INTS7: variants seen among roughly 807,000 people sequenced by gnomAD.
The protein encoded by INTS7 is integrator complex subunit 7.
Under a neutral mutation model 109.2 loss-of-function variants are expected in INTS7, and 46 were observed. That is an observed-to-expected ratio of 0.42 (90% CI 0.33 to 0.54). The LOEUF (loss-of-function observed/expected upper bound fraction) is 0.54, where lower values mean the gene tolerates loss of function less well. Among genes scored for constraint, INTS7 ranks in the 20% least tolerant of loss-of-function variants. The pLI is 0.07. For synonymous variants in INTS7, 412 were observed against 402.9 expected (o/e 1.02, Z -0.27); for missense variants, 929 against 1,132.4 (o/e 0.82, Z 2.58).
At position 211,946,627 on chromosome 1, in the gene INTS7, GT is replaced by G. The variant is rs1558020024; in HGVS notation, c.2394del (p.Lys798AsnfsTer32). ...PLSFQRYFFQ[K>X]LQSTSIKLAL... ...ATTACCTTGATGCTGGTAGACTGTA[GT>G]TTCTGGAAAAAATATCTCTGGAAAG... On this transcript the variant is annotated frameshift_variant, in exon 18 of 20. Transcript: ENST00000366994. LOFTEE classifies it high-confidence loss of function. This position sits in a 1 kb window ranked among gnomAD's most constrained non-coding sequence, Gnocchi z 4.3. The G allele has an allele frequency of 6.2e-7, 1 of 1,609,606 alleles. No homozygotes were observed. Among genetic ancestry groups the G allele is most frequent in the East Asian group, 2.2e-5 (1 of 44,832 alleles).
intron 4 of INTS7, among the ~76,000 whole-genome samples, chr1:212,014,465 CAAAAAAAAAA>C (rs1165612101): frequency 1.8e-4 from 5 of 28,124 alleles, no homozygotes; most frequent in Admixed American, 5.1e-4. Flanking sequence ...AACTCCATCT[CAAAAAAAAAA>C]AAAAAAAAAA....
chr1:211,976,853 TTTAA>T (rs1571867810), intron 11 of INTS7, 134 bp from the exon 12 acceptor site: 1 of 743,588 alleles, frequency 1.3e-6, no homozygotes, highest in East Asian at 2.7e-5. Context: ...ATGACATTTA[TTTAA>T]TTTTTTATTT....
At chr1:212,023,024 T>C (rs546983631) in intron 1 of INTS7, among the ~76,000 whole-genome samples, 1 of 152,338 alleles carries the variant, frequency 6.6e-6, no homozygotes, top group African/African-American at 2.4e-5. Context: ...TGTTCCTACA[T>C]TAATCTGCTT....
intron 17 of INTS7, among the ~76,000 whole-genome samples, chr1:211,947,434 C>T (rs1470601047): frequency 6.6e-6 from 1 of 152,088 alleles, no homozygotes; most frequent in Non-Finnish European, 1.5e-5. Context: ...CTGAAAGTAT[C>T]ATAAGAACAC....
chr1:211,966,702 A>G (rs562971875), intron 15 of INTS7, among the ~76,000 whole-genome samples: 1 of 152,326 alleles, frequency 6.6e-6, no homozygotes, highest in East Asian at 1.9e-4. Flanking sequence ...CTCTGTTCCA[A>G]GAAGGGTACT....
At position 211,997,666 on chromosome 1, in the gene INTS7, A is replaced by G. The variant is rs182411663; in HGVS notation, c.879+8973T>C. On this transcript the variant is annotated intron_variant, in intron 7 of 19. Coordinates refer to ENST00000366994, the MANE Select transcript of INTS7 (RefSeq NM_015434.4). ...GGCTGAGACGGGCAGATCACTTGAG[A>G]TCAGGAGTCTGAGACCAGCGTGGCC... is the stretch of plus-strand genomic sequence containing the variant. Among the ~76,000 whole-genome samples, 10 of 151,906 alleles carry G rather than the reference A, an allele frequency of 6.6e-5. No homozygotes were observed. The East Asian group carries it at 1.7e-3, about 26-fold the overall frequency.
chr1:212,007,774 CATAT>C (rs1235094961), intron 5 of INTS7, among the ~76,000 whole-genome samples: 2 of 152,192 alleles, frequency 1.3e-5, no homozygotes, highest in Middle Eastern at 3.4e-3. Flanking sequence ...TACACATATA[CATAT>C]ATATACACAA....
chr1:212,019,269 T>C (rs1295909902), intron 3 of INTS7, among the ~76,000 whole-genome samples: 1 of 152,082 alleles, frequency 6.6e-6, no homozygotes, highest in Non-Finnish European at 1.5e-5. Flanking sequence ...AATTAATTAA[T>C]TAATTAATTC....
chr1:212,021,545 GA>G (rs991487250), intron 1 of INTS7, among the ~76,000 whole-genome samples: 6 of 146,764 alleles, frequency 4.1e-5, no homozygotes, highest in Admixed American at 6.8e-5. Context: ...TTAGAAATAA[GA>G]AAAAAAAAAG....
chr1:211,982,860 AG>A (rs1430709371), intron 8 of INTS7, 50 bp from the exon 9 acceptor site: 11 of 1,463,124 alleles, frequency 7.5e-6, no homozygotes, highest in Non-Finnish European at 1.0e-5. Flanking sequence ...ATAGTTCAAA[AG>A]CAGTTCAGCT....
intron 7 of INTS7, among the ~76,000 whole-genome samples, chr1:212,001,743 C>T (rs576690468): frequency 5.9e-5 from 9 of 152,152 alleles, no homozygotes; most frequent in Non-Finnish European, 8.8e-5. Flanking sequence ...CTTATCTTGG[C>T]GAATATGGCT....
intron 1 of INTS7, among the ~76,000 whole-genome samples, chr1:212,021,660 C>T (rs1206338868): frequency 1.4e-5 from 2 of 146,992 alleles, no homozygotes; most frequent in African/African-American, 5.1e-5. Context: ...GCCTGAACAA[C>T]ACAGTCAGAC....
At position 212,006,648 on chromosome 1, in the gene INTS7, C is replaced by T; in HGVS notation, c.870G>A (p.Glu290=). 1 of 1,534,126 alleles carries T rather than the reference C, an allele frequency of 6.5e-7. No homozygotes were observed. The highest frequency in any genetic ancestry group is 9.0e-7 in the Non-Finnish European group (1 of 1,114,912). ...ANKTPHTWSR[E]NIQALCECAL... ...TACAAGTTCTACATACCTGAATATT[C>T]TCCCTACTCCAAGTATGTGGTGTTT... The change falls in exon 7 of 20, where the codon GAG becomes GAA. Residue 290 remains glutamate, a synonymous_variant. Coordinates refer to ENST00000366994, the MANE Select transcript of INTS7 (RefSeq NM_015434.4).
At chr1:212,031,541 A>G (rs1325800130) in intron 1 of INTS7, among the ~76,000 whole-genome samples, 1 of 152,230 alleles carries the variant, frequency 6.6e-6, no homozygotes, top group African/African-American at 2.4e-5. Flanking sequence ...TGCACTCTGC[A>G]CAAAATCCAA....
intron 4 of INTS7, among the ~76,000 whole-genome samples, chr1:212,013,267 G>T (rs1476326769): frequency 6.6e-6 from 1 of 152,010 alleles, no homozygotes; most frequent in African/African-American, 2.4e-5. Flanking sequence ...GTGATACCCC[G>T]GCCTCAGCCT....
intron 7 of INTS7, among the ~76,000 whole-genome samples, chr1:211,996,585 A>G (rs1665401020): frequency 6.6e-6 from 1 of 152,204 alleles, no homozygotes; most frequent in African/African-American, 2.4e-5. Context: ...AAAAGCAGAA[A>G]ACATTAAACT....
intron 4 of INTS7, among the ~76,000 whole-genome samples, chr1:212,016,224 A>G (rs577268400): frequency 6.6e-6 from 1 of 152,298 alleles, no homozygotes; most frequent in South Asian, 2.1e-4. Flanking sequence ...TCTAGAAGTG[A>G]ATTTCCTGGG....
At position 212,035,369 on chromosome 1, in the gene INTS7, G is replaced by T. The variant is rs754145268; in HGVS notation, c.69C>A (p.Asn23Lys). The T allele has an allele frequency of 1.6e-5, 25 of 1,612,768 alleles. No homozygotes were observed. In the South Asian group the frequency reaches 2.6e-4, roughly 17 times the overall value. Reference sequence around the variant, plus strand: ...CTTTGTCCAATTCCATAAGGGCAGAGTTGGCATCCAGTTCCTGTTCGCCAT... The same window carrying T: ...CTTTGTCCAATTCCATAAGGGCAGATTTGGCATCCAGTTCCTGTTCGCCAT... ...AGYGEQELDANSALMELDKGL... is the reference protein window; with the variant it reads ...AGYGEQELDAKSALMELDKGL... The change falls in exon 1 of 20, where the codon AAC becomes AAA. Residue 23 changes from asparagine (N) to lysine (K), a missense_variant. Physicochemically the swap from Asn to Lys is moderately conservative, Grantham distance 94. Coordinates refer to ENST00000366994, the MANE Select transcript of INTS7 (RefSeq NM_015434.4).
intron 16 of INTS7, among the ~76,000 whole-genome samples, chr1:211,954,058 C>G (rs1027553978): frequency 5.3e-5 from 8 of 152,122 alleles, no homozygotes; most frequent in Admixed American, 1.3e-4. Flanking sequence ...CTCTCCAGCA[C>G]CTGTTGTTTC....
Sources: gnomAD v4.1 joint callset for allele counts (sites outside exome capture counted in the v4.1 genomes callset) on GRCh38, gnomAD v4.1.1 for gene constraint, Gnocchi (gnomAD v3.1) non-coding constraint, MANE v1.5 for transcripts, NCBI Gene and HGNC (gene_info 2026-07-23, HGNC 2026-07-21) for gene names.